Variants in FURIN observed in about 807,000 individuals in gnomAD.
The protein encoded by FURIN is furin, paired basic amino acid cleaving enzyme.
In FURIN, 18 loss-of-function variants were observed where a neutral mutation model predicts 89.2. The observed-to-expected ratio is 0.20, with a 90% CI of 0.14 to 0.30. The LOEUF (loss-of-function observed/expected upper bound fraction) is 0.30. Ranked by LOEUF, FURIN falls within the 10% of genes least tolerant of loss-of-function variation. The pLI is 1.00. For missense variants in FURIN, 879 were observed against 1,100.5 expected, an observed-to-expected ratio of 0.80 and a Z score of 2.85; for synonymous variants, 508 against 466.4, an observed-to-expected ratio of 1.09 and a Z score of -1.15.
chr15:90,881,855 A>T lies in FURIN; in HGVS notation c.2362A>T (p.Ile788Phe). 1 of 1,612,580 alleles carries T rather than the reference A, an allele frequency of 6.2e-7. No individual in the cohort carries two copies. Among genetic ancestry groups the T allele is most frequent in the African/African-American group, 1.3e-5 (1 of 75,036 alleles). The change falls in exon 16 of 16, where the codon ATC becomes TTC. Residue 788 changes from isoleucine to phenylalanine, a missense_variant. This residue lies in a region of FURIN where 457 missense variants were observed against 490.7 expected (regional missense o/e 0.93). Transcript: ENST00000268171. This position sits in a 1 kb window ranked among gnomAD's most constrained non-coding sequence, Gnocchi z 4.3. ...DEGRGERTAF[I>F]KDQSAL ...GGGCCGGGGCGAGAGGACCGCCTTT[A>T]TCAAAGACCAGAGCGCCCTCTGATG...
At position 90,880,682 on chromosome 15, in the gene FURIN, C is replaced by T; in HGVS notation, c.1557-9C>T. The T allele has an allele frequency of 6.2e-7, 1 of 1,609,996 alleles. No individual in the cohort carries two copies. The highest frequency in any genetic ancestry group is 1.1e-5 in the South Asian group (1 of 90,412). On this transcript the variant is annotated splice_polypyrimidine_tract_variant and intron_variant, in intron 13 of 15. Transcript: ENST00000268171. Reference sequence around the variant, plus strand: ...GAGGCCTCAGGGCTGTGTGCACTCCCCTCCCCAGGCCACATGACTACTCCG... The same window carrying T: ...GAGGCCTCAGGGCTGTGTGCACTCCTCTCCCCAGGCCACATGACTACTCCG...
Position 90,876,583 on chromosome 15 carries a change from A to T in FURIN, c.372+26A>T, listed in dbSNP as rs2031642756. ...GTACGTGGCCTTCTTCGCTGCTGGG[A>T]CCTCCTCCCCAGATGCACCATCCAC... On this transcript the variant is annotated intron_variant, in intron 4 of 15. Coordinates refer to ENST00000268171, the MANE Select transcript of FURIN (RefSeq NM_002569.4). The surrounding 1 kb of genome is among the most constrained non-coding windows in gnomAD (Gnocchi z 5.0). 2.8e-6 allele frequency: 4 copies of T among 1,448,288 alleles called. No homozygotes were observed. Among genetic ancestry groups the T allele is most frequent in the East Asian group, 4.6e-5 (2 of 43,850 alleles). The allele number at this position is 1,448,288 out of a possible 1,614,324, so 89.7% of individuals were successfully genotyped here.
chr15:90,876,804 A>G lies in FURIN; in HGVS notation c.373-92A>G. 1 of 1,370,978 alleles carries G rather than the reference A, an allele frequency of 7.3e-7. No homozygotes were observed. The highest frequency in any genetic ancestry group is 1.8e-5 in the Admixed American group (1 of 56,960). 84.9% of individuals were successfully genotyped at this position (1,370,978 alleles called of 1,614,324 possible). On this transcript the variant is annotated intron_variant, in intron 4 of 15. Transcript: ENST00000268171. The surrounding 1 kb of genome is among the most constrained non-coding windows in gnomAD (Gnocchi z 5.0). Reference sequence around the variant, plus strand: ...TCAGGAGCAGGGATGGTACAGGAGGAGGTTTTACGGGGGCAAAGGGATTCT... The same window carrying G: ...TCAGGAGCAGGGATGGTACAGGAGGGGGTTTTACGGGGGCAAAGGGATTCT...
chr15:90,873,383 A>G (rs545735888), intron 1 of FURIN, among the ~76,000 whole-genome samples: 2 of 152,268 alleles, frequency 1.3e-5, no homozygotes, highest in East Asian at 3.9e-4. Flanking sequence ...TTTAACGCCA[A>G]ACAGCTGCGG....
At chr15:90,878,395 C>T (rs2031755279) in intron 8 of FURIN, 91 bp downstream of exon 8, 4 of 1,077,088 alleles carry the variant, frequency 3.7e-6, no homozygotes, top group Non-Finnish European at 5.2e-6. Context: ...TATTTATTCT[C>T]ATGTTTAACT....
At chr15:90,880,309 C>T (rs754487237) in intron 13 of FURIN, 36 bp downstream of exon 13, 17 of 1,537,654 alleles carry the variant, frequency 1.1e-5, no homozygotes, top group Admixed American at 3.6e-5. Context: ...TGCCCAGCGC[C>T]GCCGCCTCTC....
Position 90,880,110 on chromosome 15 carries a change from C to T in FURIN, c.1393C>T (p.Leu465Phe). Residue 465 changes from leucine to phenylalanine, a missense_variant, in exon 13 of 16, where the codon CTC becomes TTC. Physicochemically the swap from Leu to Phe is conservative, Grantham distance 22. Transcript: ENST00000268171. Reference sequence around the variant, plus strand: ...CCTGCACAGAGACATCGGGAAACGGCTCGAGGTGCGGAAGACCGTGACCGC... The same window carrying T: ...CCTGCACAGAGACATCGGGAAACGGTTCGAGGTGCGGAAGACCGTGACCGC... The part of the protein sequence containing the change: ...LTEPKDIGKR[L>F]EVRKTVTACL... 3 of 1,606,360 alleles carry T rather than the reference C, an allele frequency of 1.9e-6. No homozygotes were observed. The highest frequency in any genetic ancestry group is 3.3e-5 in the Admixed American group (2 of 59,770).
intron 6 of FURIN, 57 bp downstream of exon 6, chr15:90,877,268 C>T: frequency 7.3e-7 from 1 of 1,374,784 alleles, no homozygotes; most frequent in African/African-American, 1.4e-5. Flanking sequence ...CACTAAGGAA[C>T]AGGGCTGAGC....
chr15:90,878,703 C>T, intron 8 of FURIN, 61 bp from the exon 9 acceptor site: 1 of 1,002,066 alleles, frequency 1.0e-6, no homozygotes, highest in Non-Finnish European at 1.5e-6. Flanking sequence ...CCAGCAGTGT[C>T]CTCCTGCCAG....
chr15:90,880,194 C>G lies in FURIN; in HGVS notation c.1477C>G (p.Leu493Val). 6.2e-7 allele frequency: 1 copy of G among 1,612,792 alleles called. No homozygotes were observed. The change falls in exon 13 of 16, where the codon CTG becomes GTG. Residue 493 changes from leucine to valine, a missense_variant. Leu to Val is a conservative substitution (Grantham distance 32). Transcript: ENST00000268171. ...GGAGCACGCTCAGGCGCGGCTCACC[C>G]TGTCCTATAATCGCCGTGGCGACCT... Reference protein sequence around the residue: ...RLEHAQARLTLSYNRRGDLAI... With the variant: ...RLEHAQARLTVSYNRRGDLAI...
At chr15:90,879,588 T>G in intron 10 of FURIN, 44 bp downstream of exon 10, 1 of 1,562,826 alleles carries the variant, frequency 6.4e-7, no homozygotes, top group South Asian at 1.1e-5. Flanking sequence ...CTACCAGCAC[T>G]CTCTGTAGGG....
In FURIN at chr15:90,876,760, G is replaced by A; in HGVS notation, c.373-136G>A. ...GTCCTCTACATTCCCATGGAGTCCAGACAGCCAGTGGCGGCCTTTCAGGAG... is the reference window on the plus strand; with the variant it reads ...GTCCTCTACATTCCCATGGAGTCCAAACAGCCAGTGGCGGCCTTTCAGGAG... On this transcript the variant is annotated intron_variant, in intron 4 of 15. Coordinates refer to ENST00000268171, the MANE Select transcript of FURIN (RefSeq NM_002569.4). The surrounding 1 kb of genome is among the most constrained non-coding windows in gnomAD (Gnocchi z 5.0). 1 of 1,010,440 alleles carries A rather than the reference G, an allele frequency of 9.9e-7. No individual in the cohort carries two copies. Among genetic ancestry groups the A allele is most frequent in the Non-Finnish European group, 1.5e-6 (1 of 670,064 alleles). 62.6% of individuals were successfully genotyped at this position (1,010,440 alleles called of 1,614,324 possible).
intron 1 of FURIN, among the ~76,000 whole-genome samples, chr15:90,874,153 C>A (rs1016883693): frequency 4.6e-5 from 7 of 152,248 alleles, no homozygotes; most frequent in African/African-American, 1.4e-4. Flanking sequence ...GCTTCCCCCC[C>A]TTCCTCCAGG....
At position 90,881,675 on chromosome 15, in the gene FURIN, G is replaced by A. The variant is rs61752829; in HGVS notation, c.2182G>A (p.Val728Ile). The stretch of plus-strand genomic sequence containing the variant: ...CCTCAGCTGCGCCTTCATCGTGCTG[G>A]TCTTCGTCACTGTCTTCCTGGTCCT... ...AGLSCAFIVLVFVTVFLVLQL... is the reference protein window; with the variant it reads ...AGLSCAFIVLIFVTVFLVLQL... Residue 728 changes from valine (V) to isoleucine (I), a missense_variant, in exon 16 of 16, where the codon GTC becomes ATC. By Grantham distance (29) the Val-to-Ile change is conservative. Transcript: ENST00000268171. This position sits in a 1 kb window ranked among gnomAD's most constrained non-coding sequence, Gnocchi z 4.3. The A allele has an allele frequency of 1.6e-3, 2,481 of 1,587,358 alleles. 3 individuals carry two copies. The highest frequency in any genetic ancestry group is 2.0e-3 in the Non-Finnish European group (2,302 of 1,164,754).
At chr15:90,869,809 A>G (rs2031201864) in intron 1 of FURIN, among the ~76,000 whole-genome samples, 1 of 152,162 alleles carries the variant, frequency 6.6e-6, no homozygotes, top group Non-Finnish European at 1.5e-5. Flanking sequence ...TTCTGGGCTG[A>G]CCTTTCTTCT....
At chr15:90,875,226 G>T (rs2031544527) in intron 1 of FURIN, among the ~76,000 whole-genome samples, 1 of 151,994 alleles carries the variant, frequency 6.6e-6, no homozygotes, top group Non-Finnish European at 1.5e-5. Context: ...GTAGAGACGA[G>T]GTTGCACCAT....
chr15:90,876,388 CT>C lies in FURIN; in HGVS notation c.276+36del. 2 of 1,524,338 alleles carry C rather than the reference CT, an allele frequency of 1.3e-6. No individual in the cohort carries two copies. The highest frequency in any genetic ancestry group is 1.7e-5 in the Admixed American group (1 of 59,892). The allele number at this position is 1,524,338 out of a possible 1,614,324, so 94.4% of individuals were successfully genotyped here. On this transcript the variant is annotated intron_variant, in intron 3 of 15. Coordinates refer to ENST00000268171, the MANE Select transcript of FURIN (RefSeq NM_002569.4). This position sits in a 1 kb window ranked among gnomAD's most constrained non-coding sequence, Gnocchi z 5.0. ...GCCCCAGCCCCCTCCTGCTGCCACC[CT>C]CCCCCTCCTGCTCTCAGGAGCCCCT...
rs372383658 is a variant in FURIN at position 90,876,323 on chromosome 15, G to A, written c.246G>A (p.Pro82=). 3.3e-5 allele frequency: 53 copies of A among 1,612,286 alleles called. No homozygotes were observed. Among genetic ancestry groups the A allele is most frequent in the Non-Finnish European group, 4.1e-5 (48 of 1,178,804 alleles). The stretch of plus-strand genomic sequence containing the variant: ...AGCGGTCCCTGTCGCCTCACCGCCC[G>A]CGGCACAGCCGGCTGCAGAGGGAGC... ...VTKRSLSPHR[P]RHSRLQREPQ... is the part of the protein sequence containing the mutation. The change falls in exon 3 of 16, where the codon CCG becomes CCA. Residue 82 remains proline, a synonymous_variant. Coordinates refer to ENST00000268171, the MANE Select transcript of FURIN (RefSeq NM_002569.4). This position sits in a 1 kb window ranked among gnomAD's most constrained non-coding sequence, Gnocchi z 5.0.
At chr15:90,872,596 T>C (rs1409910562) in intron 1 of FURIN, among the ~76,000 whole-genome samples, 1 of 152,210 alleles carries the variant, frequency 6.6e-6, no homozygotes, top group African/African-American at 2.4e-5. Flanking sequence ...GCATTTGATT[T>C]TTAAAAAGGA....
Sources: gnomAD v4.1 joint callset for allele counts (sites outside exome capture counted in the v4.1 genomes callset) on GRCh38, gnomAD v4.1.1 for gene constraint, gnomAD v4.1.1 regional missense constraint, Gnocchi (gnomAD v3.1) non-coding constraint, MANE v1.5 for transcripts, NCBI Gene and HGNC (gene_info 2026-07-23, HGNC 2026-07-21) for gene names.